The following JAKMIP1 variants were observed in gnomAD, a reference collection of about 807,000 sequenced individuals.
JAKMIP1 encodes janus kinase and microtubule interacting protein 1.
JAKMIP1 carries 33 observed loss-of-function variants against 113.0 expected under a neutral mutation model. The ratio of observed to expected loss-of-function variants is 0.29; its 90% CI spans 0.22 to 0.39. The LOEUF (loss-of-function observed/expected upper bound fraction) is 0.39, where lower values mean the gene tolerates loss of function less well. Ranked by LOEUF, JAKMIP1 falls within the 10% of genes least tolerant of loss-of-function variation. JAKMIP1 has a pLI of 1.00. For missense variants in JAKMIP1, 813 were observed against 1,080.5 expected (o/e 0.75, Z 3.47); for synonymous variants, 480 against 459.9 (o/e 1.04, Z -0.56).
Position 6,142,323 on chromosome 4 carries a change from C to T in JAKMIP1, c.-147-29326G>A, listed in dbSNP as rs992676924. On this transcript the variant is annotated intron_variant, in intron 1 of 20. Transcript: ENST00000409021. This position sits in a 1 kb window ranked among gnomAD's most constrained non-coding sequence, Gnocchi z 5.5. ...AGGCTCGTACCCATGTATGCCCGCACAGGCAGGGGAAAGGGAGCCCCCGGG... is the reference window on the plus strand; with the variant it reads ...AGGCTCGTACCCATGTATGCCCGCATAGGCAGGGGAAAGGGAGCCCCCGGG... Among the ~76,000 whole-genome samples the T allele has an allele frequency of 6.6e-6, 1 of 152,156 alleles. No homozygotes were observed. Among genetic ancestry groups the T allele is most frequent in the Non-Finnish European group, 1.5e-5 (1 of 68,026 alleles).
At chr4:6,164,860 C>T (rs1023947527) in intron 1 of JAKMIP1, among the ~76,000 whole-genome samples, 5 of 152,290 alleles carry the variant, frequency 3.3e-5, no homozygotes, top group African/African-American at 9.6e-5. Context: ...AAACTTGAAC[C>T]GATGAGGAGT....
chr4:6,170,924 C>T (rs1423700506), intron 1 of JAKMIP1, among the ~76,000 whole-genome samples: 1 of 145,508 alleles, frequency 6.9e-6, no homozygotes, highest in Non-Finnish European at 1.5e-5. Context: ...CACCACCTTT[C>T]TTACCATCAC....
intron 13 of JAKMIP1, among the ~76,000 whole-genome samples, chr4:6,052,589 T>C (rs1470009593): frequency 7.2e-6 from 1 of 138,588 alleles, no homozygotes; most frequent in Non-Finnish European, 1.5e-5. Flanking sequence ...GAGGTTGCAG[T>C]GAGCCAAGAG....
At chr4:6,160,418 G>A (rs1197973681) in intron 1 of JAKMIP1, among the ~76,000 whole-genome samples, 1 of 152,138 alleles carries the variant, frequency 6.6e-6, no homozygotes, top group African/African-American at 2.4e-5. Flanking sequence ...GAATGTTCAG[G>A]AAAGAGAAGA....
chr4:6,192,154 A>C lies in JAKMIP1; in HGVS notation c.-148+8099T>G, dbSNP rs1312685658. On this transcript the variant is annotated intron_variant, in intron 1 of 20. Transcript: ENST00000409021. This position sits in a 1 kb window ranked among gnomAD's most constrained non-coding sequence, Gnocchi z 5.0. ...CACCATGTTGGCCAGGCTGGTCTTGAACTCCTGACCTCAGGTGATCCACCC... is the reference window on the plus strand; with the variant it reads ...CACCATGTTGGCCAGGCTGGTCTTGCACTCCTGACCTCAGGTGATCCACCC... 6.6e-6 allele frequency among the ~76,000 whole-genome samples: 1 copy of C among 151,894 alleles called. No homozygotes were observed. The highest frequency in any genetic ancestry group is 1.5e-5 in the Non-Finnish European group (1 of 67,978).
At chr4:6,085,682 A>C in intron 3 of JAKMIP1, 53 bp from the exon 4 acceptor site, 1 of 1,554,004 alleles carries the variant, frequency 6.4e-7, no homozygotes, top group Non-Finnish European at 8.8e-7. Context: ...GACCAAGGAA[A>C]TCTCTCCCCA....
intron 16 of JAKMIP1, among the ~76,000 whole-genome samples, chr4:6,046,128 C>T (rs1260802068): frequency 6.6e-6 from 1 of 152,164 alleles, no homozygotes; most frequent in Non-Finnish European, 1.5e-5. Flanking sequence ...CACTGCAATT[C>T]TCACGTCCCA....
At position 6,042,452 on chromosome 4, in the gene JAKMIP1, C is replaced by T. The variant is rs1490719397; in HGVS notation, c.2029-225G>A. ...GTCTTAGGTGTGAGTGTGACATGTA[C>T]GTGGTGTGGAAGCTGGATTCAGAGC... On this transcript the variant is annotated intron_variant, in intron 16 of 20. Coordinates refer to ENST00000409021, the MANE Select transcript of JAKMIP1 (RefSeq NM_001099433.2). This position sits in a 1 kb window ranked among gnomAD's most constrained non-coding sequence, Gnocchi z 5.2. 1.3e-5 allele frequency among the ~76,000 whole-genome samples: 2 copies of T among 151,930 alleles called. No individual in the cohort carries two copies. Among genetic ancestry groups the T allele is most frequent in the Non-Finnish European group, 2.9e-5 (2 of 67,986 alleles).
rs1302319393 is a variant in JAKMIP1, at chr4:6,193,764, T to C, written c.-148+6489A>G. Among the ~76,000 whole-genome samples, 2 of 152,114 alleles carry C rather than the reference T, an allele frequency of 1.3e-5. No individual in the cohort carries two copies. Among genetic ancestry groups the C allele is most frequent in the African/African-American group, 4.8e-5 (2 of 41,426 alleles). ...TGCTGATCATGGGAGGCTGAACTGA[T>C]GCATTAGTGAGCAGGGGAGGAGAGG... On this transcript the variant is annotated intron_variant, in intron 1 of 20. Transcript: ENST00000409021. The surrounding 1 kb of genome is among the most constrained non-coding windows in gnomAD (Gnocchi z 6.4).
chr4:6,068,614 G>A (rs1718509182), intron 8 of JAKMIP1, among the ~76,000 whole-genome samples: 1 of 147,068 alleles, frequency 6.8e-6, no homozygotes, highest in African/African-American at 2.5e-5. Context: ...CTGGAGAGCA[G>A]TAGTGCAATC....
intron 1 of JAKMIP1, among the ~76,000 whole-genome samples, chr4:6,130,240 C>G (rs1004185349): frequency 1.3e-5 from 2 of 152,224 alleles, no homozygotes; most frequent in Admixed American, 6.5e-5. Context: ...AGAATTGAAT[C>G]AAACTTTTAG....
intron 3 of JAKMIP1, among the ~76,000 whole-genome samples, chr4:6,103,644 T>A (rs1713442648): frequency 1.3e-5 from 2 of 152,238 alleles, no homozygotes; most frequent in African/African-American, 4.8e-5. Context: ...CCTTTCTTCA[T>A]AGGAAAATTA....
rs1245513600 is a variant in JAKMIP1 at position 6,154,067 on chromosome 4, G to A, written c.-147-41070C>T. On this transcript the variant is annotated intron_variant, in intron 1 of 20. Transcript: ENST00000409021. The surrounding 1 kb of genome is among the most constrained non-coding windows in gnomAD (Gnocchi z 4.2). ...TTCAAGGCCATCTCTGCAGCCCCCA[G>A]ACCATGCCTGGCTGACTGCATCCTG... Among the ~76,000 whole-genome samples, 3 of 152,158 alleles carry A rather than the reference G, an allele frequency of 2.0e-5. No homozygotes were observed. In the East Asian group the frequency reaches 5.8e-4, roughly 29 times the overall value.
chr4:6,035,476 C>T (rs557808557), intron 19 of JAKMIP1, among the ~76,000 whole-genome samples: 3 of 152,246 alleles, frequency 2.0e-5, no homozygotes, highest in African/African-American at 4.8e-5. Context: ...CACGCAACAT[C>T]GAACCTTGGA....
chr4:6,057,005 C>T (rs7438838), intron 11 of JAKMIP1, among the ~76,000 whole-genome samples: 28,752 of 152,138 alleles, frequency 0.19, 3,496 homozygotes, highest in Non-Finnish European at 0.27. Flanking sequence ...CCATTCTGTC[C>T]GTCTAATTAA....
chr4:6,097,256 T>A lies in JAKMIP1; in HGVS notation c.624+8217A>T, dbSNP rs1325571071. 6.6e-6 allele frequency among the ~76,000 whole-genome samples: 1 copy of A among 152,214 alleles called. No individual in the cohort carries two copies. Among genetic ancestry groups the A allele is most frequent in the Non-Finnish European group, 1.5e-5 (1 of 68,034 alleles). Reference sequence around the variant, plus strand: ...AAGCAATCCTCCCACCTCAGCCTCCTGATGTATTGGGATTACAGTCATGAG... The same window carrying A: ...AAGCAATCCTCCCACCTCAGCCTCCAGATGTATTGGGATTACAGTCATGAG... On this transcript the variant is annotated intron_variant, in intron 3 of 20. Coordinates refer to ENST00000409021, the MANE Select transcript of JAKMIP1 (RefSeq NM_001099433.2). This position sits in a 1 kb window ranked among gnomAD's most constrained non-coding sequence, Gnocchi z 4.3.
Position 6,067,119 on chromosome 4 carries a change from G to A in JAKMIP1, c.1303-2111C>T, listed in dbSNP as rs993940307. On this transcript the variant is annotated intron_variant, in intron 8 of 20. Coordinates refer to ENST00000409021, the MANE Select transcript of JAKMIP1 (RefSeq NM_001099433.2). The surrounding 1 kb of genome is among the most constrained non-coding windows in gnomAD (Gnocchi z 4.6). ...ATTCCTTTCCATAGCACATCTCCCC[G>A]CTGACGTAAGATCTGGCAAGCTATT... 3.3e-5 allele frequency among the ~76,000 whole-genome samples: 5 copies of A among 152,056 alleles called. No homozygotes were observed. The highest frequency in any genetic ancestry group is 6.6e-5 in the Admixed American group (1 of 15,258).
intron 3 of JAKMIP1, among the ~76,000 whole-genome samples, chr4:6,092,459 C>A (rs1722221130): frequency 6.6e-6 from 1 of 152,262 alleles, no homozygotes; most frequent in African/African-American, 2.4e-5. Flanking sequence ...ATGGCCACAC[C>A]CCCTTCCTGC....
At chr4:6,103,167 T>C (rs2108869653) in intron 3 of JAKMIP1, among the ~76,000 whole-genome samples, 1 of 152,326 alleles carries the variant, frequency 6.6e-6, no homozygotes, top group Admixed American at 6.5e-5. Context: ...GAACCATTTA[T>C]CATATTAGAG....
Sources: allele counts gnomAD v4.1 joint callset (sites outside exome capture counted in the v4.1 genomes callset), GRCh38; gene constraint gnomAD v4.1.1; non-coding constraint Gnocchi (gnomAD v3.1); transcripts MANE v1.5; gene names NCBI Gene and HGNC (gene_info 2026-07-23, HGNC 2026-07-21).